Variants in SYCP2 observed in about 807,000 individuals in gnomAD.
The protein encoded by SYCP2 is synaptonemal complex protein 2, also known as synaptonemal complex lateral element protein.
A neutral mutation model predicts 211.3 loss-of-function variants in SYCP2; 55 were observed. The ratio of observed to expected loss-of-function variants is 0.26; its 90% CI spans 0.21 to 0.33. The LOEUF (loss-of-function observed/expected upper bound fraction) is 0.33. Ranked by LOEUF, SYCP2 falls within the 10% of genes least tolerant of loss-of-function variation. The probability of loss-of-function intolerance (pLI) is 1.00; values close to 1 mark genes in which losing one functional copy is unlikely to be tolerated. For synonymous variants in SYCP2, 570 were observed against 555.2 expected, an observed-to-expected ratio of 1.03 and a Z score of -0.37; for missense variants, 1,731 against 1,752.0, an observed-to-expected ratio of 0.99 and a Z score of 0.21.
chr20:59,896,557 T>C (rs1417355546), intron 18 of SYCP2, 29 bp from the exon 19 acceptor site: 1 of 1,173,114 alleles, frequency 8.5e-7, no homozygotes, highest in Admixed American at 1.8e-5. Flanking sequence ...ACAACCACTG[T>C]AAACACAGTC....
At chr20:59,916,747 C>A (rs2060450181) in intron 7 of SYCP2, among the ~76,000 whole-genome samples, 176 bp from the exon 8 acceptor site, 1 of 151,934 alleles carries the variant, frequency 6.6e-6, no homozygotes, top group African/African-American at 2.4e-5. Context: ...TGAGACCAGC[C>A]TGGGCAACAT....
chr20:59,906,709 T>TA (rs1166481342), intron 15 of SYCP2, among the ~76,000 whole-genome samples: 1 of 151,984 alleles, frequency 6.6e-6, no homozygotes, highest in Non-Finnish European at 1.5e-5. Context: ...TTAAAACTGC[T>TA]CACCAGATAT....
chr20:59,888,165 A>G (rs776631472), intron 24 of SYCP2, among the ~76,000 whole-genome samples: 1 of 152,040 alleles, frequency 6.6e-6, no homozygotes, highest in Non-Finnish European at 1.5e-5. Context: ...CTATGAGGCC[A>G]ATGTCCCCTT....
intron 21 of SYCP2, 92 bp downstream of exon 21, chr20:59,893,432 T>A: frequency 1.1e-6 from 1 of 878,224 alleles, no homozygotes; most frequent in Non-Finnish European, 1.7e-6. Flanking sequence ...CTTTTTCAAA[T>A]CAATGAAAGC....
Position 59,909,495 on chromosome 20 carries a change from T to C in SYCP2, c.973-2071A>G, listed in dbSNP as rs182079656. Among the ~76,000 whole-genome samples the C allele has an allele frequency of 2.4e-4, 36 of 152,322 alleles. No individual in the cohort carries two copies. In the East Asian group the frequency reaches 6.4e-3, roughly 27 times the overall value. On this transcript the variant is annotated intron_variant, in intron 14 of 44. Coordinates refer to ENST00000357552, the MANE Select transcript of SYCP2 (RefSeq NM_014258.4). Reference sequence around the variant, plus strand: ...CTCTAGTGTTTTTTCTTTTTATCCATTCTCCCCAGTCTATTTTTATCCATT... The same window carrying C: ...CTCTAGTGTTTTTTCTTTTTATCCACTCTCCCCAGTCTATTTTTATCCATT...
intron 35 of SYCP2, among the ~76,000 whole-genome samples, chr20:59,871,581 G>A (rs2059452369): frequency 6.6e-6 from 1 of 151,844 alleles, no homozygotes. Flanking sequence ...GCATACTGAA[G>A]GGATTAAAGG....
rs1245611802 is a variant in SYCP2 at position 59,911,838 on chromosome 20, A to G, written c.884T>C (p.Ile295Thr). 3.9e-6 allele frequency: 6 copies of G among 1,551,306 alleles called. No homozygotes were observed. Among genetic ancestry groups the G allele is most frequent in the Middle Eastern group, 1.7e-4 (1 of 5,914 alleles). ...TTCCTCAAGTTTTTCATCTGATGGT[A>G]TTTGCAGCTAATAAAATAAACATAC... ...SAFLDKYELQ[I>T]PSDEKLEEFW... is the part of the protein sequence containing the mutation. Residue 295 changes from isoleucine (I) to threonine (T), a missense_variant, in exon 14 of 45, where the codon ATA (isoleucine) becomes ACA (threonine). Ile to Thr is a moderately conservative substitution (Grantham distance 89). Around this residue, in one of 3 missense-constraint regions of SYCP2, gnomAD observed 335 missense variants for 378.8 expected, o/e 0.88. Coordinates refer to ENST00000357552, the MANE Select transcript of SYCP2 (RefSeq NM_014258.4).
intron 20 of SYCP2, among the ~76,000 whole-genome samples, chr20:59,894,423 C>A (rs1190862658): frequency 5.3e-5 from 8 of 151,804 alleles, no homozygotes; most frequent in Non-Finnish European, 1.2e-4. Flanking sequence ...CAACTTGAAC[C>A]ATTACTTTGA....
intron 21 of SYCP2, 22 bp from the exon 22 acceptor site, chr20:59,893,221 A>G (rs1463171719): frequency 1.3e-6 from 2 of 1,541,880 alleles, no homozygotes; most frequent in South Asian, 1.2e-5. Flanking sequence ...AAATATTATA[A>G]TATTTTCATT....
intron 39 of SYCP2, among the ~76,000 whole-genome samples, chr20:59,867,014 C>CAAAAAAAAAAA (rs779891839): frequency 1.7e-5 from 1 of 60,412 alleles, no homozygotes; most frequent in Non-Finnish European, 3.1e-5. Flanking sequence ...GGCCTTGGGC[C>CAAAAAAAAAAA]AAAAAAAAAA....
chr20:59,897,527 A>G (rs12481710), intron 18 of SYCP2, among the ~76,000 whole-genome samples: 48,935 of 151,942 alleles, frequency 0.32, 8,262 homozygotes, highest in Admixed American at 0.4. Context: ...AGAGTTTAAG[A>G]TTCAACAGAT....
chr20:59,879,838 T>A (rs866878420), intron 31 of SYCP2, among the ~76,000 whole-genome samples: 1,402 of 116,326 alleles, frequency 0.012, 28 homozygotes, highest in African/African-American at 0.054. Context: ...TATATATATA[T>A]ATATATATAT....
Position 59,874,055 on chromosome 20 carries a change from T to C in SYCP2, c.3356A>G (p.Glu1119Gly). ...PSSIEVTRCI[E>G]KITEKDFTQD... Reference sequence around the variant, plus strand: ...AGTAAAATCCTTTTCTGTTATTTTCTCTATACCTATATTGCATCAAAATAA... The same window carrying C: ...AGTAAAATCCTTTTCTGTTATTTTCCCTATACCTATATTGCATCAAAATAA... Residue 1119 changes from glutamate (E) to glycine (G), a missense_variant, in exon 35 of 45, where the codon GAG becomes GGG. Coordinates refer to ENST00000357552, the MANE Select transcript of SYCP2 (RefSeq NM_014258.4). 1 of 1,576,690 alleles carries C rather than the reference T, an allele frequency of 6.3e-7. No homozygotes were observed.
At chr20:59,877,977 G>C (rs1053090530) in intron 32 of SYCP2, 31 bp downstream of exon 32, 7 of 1,535,748 alleles carry the variant, frequency 4.6e-6, no homozygotes, top group Non-Finnish European at 5.3e-6. Flanking sequence ...TAATTTTAAA[G>C]GGATGTTTGA....
chr20:59,864,473 G>C, intron 44 of SYCP2, 85 bp from the exon 45 acceptor site: 1 of 891,760 alleles, frequency 1.1e-6, no homozygotes. Flanking sequence ...AAAAAATCAA[G>C]CTGTTATTAG....
intron 2 of SYCP2, among the ~76,000 whole-genome samples, chr20:59,927,811 AG>A (rs1329457381): frequency 5.4e-4 from 82 of 152,278 alleles, no homozygotes; most frequent in African/African-American, 1.9e-3. Context: ...GGCTCAGCTC[AG>A]GCTCACCCTT....
At chr20:59,914,747 G>C (rs191849580) in intron 10 of SYCP2, among the ~76,000 whole-genome samples, 82 of 151,898 alleles carry the variant, frequency 5.4e-4, no homozygotes, top group African/African-American at 1.9e-3. Context: ...CCATCAATAT[G>C]AAGAATATTA....
chr20:59,884,437 TA>T (rs1376988116), intron 26 of SYCP2, among the ~76,000 whole-genome samples: 1 of 152,082 alleles, frequency 6.6e-6, no homozygotes, highest in African/African-American at 2.4e-5. Flanking sequence ...TATACTGTAT[TA>T]AAGAAATGTA....
intron 18 of SYCP2, among the ~76,000 whole-genome samples, chr20:59,899,538 G>C (rs941022152): frequency 2.0e-5 from 3 of 152,176 alleles, no homozygotes; most frequent in African/African-American, 7.2e-5. Context: ...TTTGGGTTTA[G>C]AGCAAACCTA....
Sources: allele counts gnomAD v4.1 joint callset (sites outside exome capture counted in the v4.1 genomes callset), GRCh38; gene constraint gnomAD v4.1.1; regional missense constraint gnomAD v4.1.1; transcripts MANE v1.5; gene names NCBI Gene and HGNC (gene_info 2026-07-23, HGNC 2026-07-21).